Variants in FANCI observed in about 807,000 individuals in gnomAD.
FANCI encodes Fanconi anemia group I protein.
FANCI carries 156 observed loss-of-function variants against 176.1 expected under a neutral mutation model. The observed-to-expected ratio is 0.89, with a 90% CI of 0.78 to 1.01. The LOEUF is 1.01. Ranked by LOEUF, FANCI falls within the 50% of genes least tolerant of loss-of-function variation. The pLI, the probability that FANCI is intolerant of heterozygous loss-of-function variation, is 0.00. For missense variants in FANCI, 1,678 were observed against 1,534.1 expected (o/e 1.09, Z -1.57); for synonymous variants, 613 against 541.7 (o/e 1.13, Z -1.83).
At position 89,299,806 on chromosome 15, in the gene FANCI, G is replaced by A. The variant is rs1250393498; in HGVS notation, c.2643G>A (p.Leu881=). 4 of 1,613,440 alleles carry A rather than the reference G, an allele frequency of 2.5e-6. No individual in the cohort carries two copies. The South Asian group carries it at 3.3e-5, about 13-fold the overall frequency. The part of the protein sequence containing the change: ...FQNLCDITRV[L]LWRYTSIPTS... ...CCACTTTCTCCTGCTTCAGAGTCTT[G>A]CTATGGAGATACACTTCAATTCCTA... The change falls in exon 25 of 38, where the codon TTG becomes TTA. Residue 881 remains leucine (L), a synonymous_variant. Transcript: ENST00000310775.
At chr15:89,301,474 C>A in intron 27 of FANCI, 32 bp downstream of exon 27, 1 of 1,398,100 alleles carries the variant, frequency 7.2e-7, no homozygotes, top group Non-Finnish European at 1.0e-6. Context: ...TCCCATTTAG[C>A]ATTCCTCAGA....
At chr15:89,265,133 C>G (rs752601922) in intron 9 of FANCI, among the ~76,000 whole-genome samples, 5 of 152,134 alleles carry the variant, frequency 3.3e-5, no homozygotes, top group African/African-American at 1.2e-4. Context: ...AGAACATTCT[C>G]AGGTAGGGAA....
intron 22 of FANCI, 43 bp downstream of exon 22, chr15:89,293,106 C>A (rs915506387): frequency 1.2e-6 from 2 of 1,600,688 alleles, no homozygotes; most frequent in Middle Eastern, 2.2e-4. Flanking sequence ...GATGAATTCT[C>A]CATTTTATTT....
At chr15:89,257,106 C>G (rs536117672) in intron 2 of FANCI, among the ~76,000 whole-genome samples, 1 of 152,106 alleles carries the variant, frequency 6.6e-6, no homozygotes, top group Admixed American at 6.6e-5. Context: ...CGGGGTTTCA[C>G]CGTGTTAGCC....
rs770185523 is a variant in FANCI at position 89,261,597 on chromosome 15, C to T, written c.301C>T (p.Pro101Ser). ...TGTGAACTTTTAGGCTCACCATTTT[C>T]CAGGACCATTATTGGTTGAATTAGC... ...GLLMLEAHHF[P>S]GPLLVELANE... The change falls in exon 5 of 38, where the codon CCA (proline) becomes TCA (serine). Residue 101 changes from proline to serine, a missense_variant. Coordinates refer to ENST00000310775, the MANE Select transcript of FANCI (RefSeq NM_001113378.2). The T allele has an allele frequency of 6.2e-7, 1 of 1,614,132 alleles. No homozygotes were observed. The highest frequency in any genetic ancestry group is 8.5e-7 in the Non-Finnish European group (1 of 1,180,012).
chr15:89,314,364 C>T (rs2055111752), intron 35 of FANCI, among the ~76,000 whole-genome samples: 1 of 152,198 alleles, frequency 6.6e-6, no homozygotes, highest in South Asian at 2.1e-4. Flanking sequence ...CCCTCCTCAG[C>T]CATTTTCTAG....
intron 22 of FANCI, among the ~76,000 whole-genome samples, chr15:89,293,534 A>C (rs1246813324): frequency 6.6e-6 from 1 of 152,128 alleles, no homozygotes. Flanking sequence ...TAATAATGTA[A>C]AACTTAGCCA....
intron 2 of FANCI, among the ~76,000 whole-genome samples, chr15:89,249,618 G>C (rs1301795625): frequency 5.3e-5 from 8 of 152,174 alleles, no homozygotes; most frequent in Non-Finnish European, 1.2e-4. Context: ...ACAGTGCCGG[G>C]ATTACACGTG....
rs1192891263 is a variant in FANCI at position 89,293,859 on chromosome 15, G to A, written c.2318G>A (p.Ser773Asn). ...AAGAATAGGTTTGAGGACATTCTGAGCTTATTTATGTGTTACAAAAAACTC... is the reference window on the plus strand; with the variant it reads ...AAGAATAGGTTTGAGGACATTCTGAACTTATTTATGTGTTACAAAAAACTC... Reference protein sequence around the residue: ...FSKNRFEDILSLFMCYKKLSD... With the variant: ...FSKNRFEDILNLFMCYKKLSD... Residue 773 changes from serine to asparagine, a missense_variant, in exon 23 of 38, where the codon AGC (serine) becomes AAC (asparagine). Ser to Asn is a conservative substitution (Grantham distance 46). Coordinates refer to ENST00000310775, the MANE Select transcript of FANCI (RefSeq NM_001113378.2). 1 of 1,614,044 alleles carries A rather than the reference G, an allele frequency of 6.2e-7. No individual in the cohort carries two copies. The highest frequency in any genetic ancestry group is 2.2e-5 in the East Asian group (1 of 44,866).
chr15:89,258,646 T>C, intron 2 of FANCI, 58 bp from the exon 3 acceptor site: 5 of 1,262,864 alleles, frequency 4.0e-6, no homozygotes, highest in Non-Finnish European at 5.8e-6. Context: ...ATTGAGTGTT[T>C]AGGTCATTGG....
At chr15:89,276,965 A>T (rs1371936718) in intron 13 of FANCI, 74 bp downstream of exon 13, 6 of 1,490,754 alleles carry the variant, frequency 4.0e-6, no homozygotes, top group Non-Finnish European at 5.6e-6. Context: ...TTTGCCTGGG[A>T]GTTTGGTGGA....
chr15:89,281,746 C>T lies in FANCI; in HGVS notation c.1513-19C>T. The T allele has an allele frequency of 1.9e-6, 3 of 1,612,118 alleles. No individual in the cohort carries two copies. Among genetic ancestry groups the T allele is most frequent in the Non-Finnish European group, 2.5e-6 (3 of 1,178,440 alleles). The stretch of plus-strand genomic sequence containing the variant: ...AATAAGCAAACTTGTTCTGTTTTTA[C>T]CCACTGATTCTTTTTCAGCCCCTTC... On this transcript the variant is annotated intron_variant, in intron 15 of 37. Coordinates refer to ENST00000310775, the MANE Select transcript of FANCI (RefSeq NM_001113378.2).
chr15:89,275,538 A>G (rs2053377851), intron 12 of FANCI, among the ~76,000 whole-genome samples: 1 of 152,196 alleles, frequency 6.6e-6, no homozygotes, highest in Non-Finnish European at 1.5e-5. Context: ...AATAGATTGA[A>G]TTTACATGAG....
intron 28 of FANCI, among the ~76,000 whole-genome samples, chr15:89,304,758 T>C (rs1054308881): frequency 1.3e-5 from 2 of 151,058 alleles, no homozygotes; most frequent in African/African-American, 4.8e-5. Flanking sequence ...CTGAGGGACC[T>C]GACTGGGTTA....
chr15:89,259,179 C>T (rs151219596), intron 3 of FANCI: 194 of 188,392 alleles, frequency 1.0e-3, no homozygotes, highest in Middle Eastern at 5.2e-3. Flanking sequence ...TTCTTCATGC[C>T]CGCTGAGACG....
intron 14 of FANCI, among the ~76,000 whole-genome samples, 180 bp downstream of exon 14, chr15:89,278,954 C>T (rs2053507341): frequency 6.6e-6 from 1 of 152,200 alleles, no homozygotes; most frequent in Non-Finnish European, 1.5e-5. Flanking sequence ...AAGGCTGTAG[C>T]TGTTAGTAAG....
Position 89,295,112 on chromosome 15 carries a change from C to T in FANCI, c.2636+18C>T. 2 of 1,548,508 alleles carry T rather than the reference C, an allele frequency of 1.3e-6. No individual in the cohort carries two copies. The highest frequency in any genetic ancestry group is 1.7e-6 in the Non-Finnish European group (2 of 1,146,190). On this transcript the variant is annotated intron_variant, in intron 24 of 37. Coordinates refer to ENST00000310775, the MANE Select transcript of FANCI (RefSeq NM_001113378.2). ...ATAACTCGGTAAGCCACTCCCACCC[C>T]TTAGAAACTTATTCCACTTGGCTGT...
intron 10 of FANCI, among the ~76,000 whole-genome samples, chr15:89,271,154 T>C (rs2053185311): frequency 6.6e-6 from 1 of 152,236 alleles, no homozygotes. Flanking sequence ...TTTAAACTTT[T>C]TGAGGCACAA....
intron 24 of FANCI, among the ~76,000 whole-genome samples, chr15:89,295,675 G>GA (rs930803424): frequency 6.7e-6 from 1 of 148,896 alleles, no homozygotes; most frequent in Non-Finnish European, 1.5e-5. Flanking sequence ...TTAAAAGAGT[G>GA]AAAAAAAGTG....
Sources: allele counts gnomAD v4.1 joint callset (sites outside exome capture counted in the v4.1 genomes callset), GRCh38; gene constraint gnomAD v4.1.1; transcripts MANE v1.5; gene names NCBI Gene and HGNC (gene_info 2026-07-23, HGNC 2026-07-21).